MROH2B: variants seen among roughly 807,000 people sequenced by gnomAD.
MROH2B encodes the protein maestro heat like repeat family member 2B.
Under a neutral mutation model 208.6 loss-of-function variants are expected in MROH2B, and 177 were observed. That is an observed-to-expected ratio of 0.85 (90% CI 0.75 to 0.96). MROH2B has a LOEUF of 0.96. MROH2B is among the 40% of genes least tolerant of loss of function. The pLI is 0.00. For synonymous variants in MROH2B, 728 were observed against 659.0 expected (o/e 1.10, Z -1.60); for missense variants, 2,002 against 1,878.7 (o/e 1.07, Z -1.21).
At chr5:41,008,857 G>A (rs1741680153) in intron 32 of MROH2B, 64 bp from the exon 33 acceptor site, 1 of 1,479,586 alleles carries the variant, frequency 6.8e-7, no homozygotes, top group Admixed American at 2.2e-5. Context: ...CTTCTCTCTG[G>A]GCTGATTTTC....
intron 21 of MROH2B, chr5:41,034,107 G>A (rs1742675498): frequency 1.0e-6 from 1 of 978,302 alleles, no homozygotes; most frequent in Non-Finnish European, 1.2e-6. Flanking sequence ...AGAAGGCAGG[G>A]TAGAGACTTC....
intron 28 of MROH2B, 93 bp from the exon 29 acceptor site, chr5:41,015,571 T>G: frequency 9.4e-7 from 1 of 1,060,718 alleles, no homozygotes; most frequent in East Asian, 2.5e-5. Flanking sequence ...CTAAATTAGC[T>G]GCTGTCTGAT....
chr5:41,058,204 C>T lies in MROH2B; in HGVS notation c.616-1G>A. On this transcript the variant is annotated splice_acceptor_variant, in intron 6 of 41. Transcript: ENST00000399564. LOFTEE classifies it high-confidence loss of function. ...CGTGGGCCTTAACGATGCTCAAAGTCTGTACAGGCAGCAAACAAATACCGT... is the reference window on the plus strand; with the variant it reads ...CGTGGGCCTTAACGATGCTCAAAGTTTGTACAGGCAGCAAACAAATACCGT... The T allele has an allele frequency of 1.9e-6, 3 of 1,550,122 alleles. No homozygotes were observed. The highest frequency in any genetic ancestry group is 2.6e-6 in the Non-Finnish European group (3 of 1,147,442).
intron 2 of MROH2B, among the ~76,000 whole-genome samples, chr5:41,067,695 G>A (rs1561310685): frequency 6.6e-6 from 1 of 152,102 alleles, no homozygotes; most frequent in African/African-American, 2.4e-5. Flanking sequence ...AACATAACAT[G>A]CATCTTTAGG....
intron 39 of MROH2B, 71 bp from the exon 40 acceptor site, chr5:40,999,850 TC>T (rs530026094): frequency 7.2e-7 from 1 of 1,389,060 alleles, no homozygotes; most frequent in African/African-American, 1.4e-5. Flanking sequence ...ATCCTATAGG[TC>T]CTCAGAACGG....
chr5:41,014,181 G>C (rs1011832118), intron 29 of MROH2B, among the ~76,000 whole-genome samples: 1 of 152,124 alleles, frequency 6.6e-6, no homozygotes, highest in African/African-American at 2.4e-5. Context: ...GTGGAAAATT[G>C]CCATAACACC....
At chr5:41,063,168 T>C (rs1446535370) in intron 5 of MROH2B, among the ~76,000 whole-genome samples, 1 of 152,258 alleles carries the variant, frequency 6.6e-6, no homozygotes, top group African/African-American at 2.4e-5. Flanking sequence ...TTTTATTTAA[T>C]TTTACATTCT....
chr5:41,050,419 C>G (rs1017610493), intron 13 of MROH2B, among the ~76,000 whole-genome samples: 14 of 152,226 alleles, frequency 9.2e-5, no homozygotes, highest in African/African-American at 3.1e-4. Flanking sequence ...TTCAGTAGGT[C>G]TGGTGTGTGA....
chr5:40,998,107 T>G lies in MROH2B; in HGVS notation c.4703A>C (p.Glu1568Ala), dbSNP rs1347892864. 1 of 1,612,568 alleles carries G rather than the reference T, an allele frequency of 6.2e-7. No individual in the cohort carries two copies. Among genetic ancestry groups the G allele is most frequent in the South Asian group, 1.1e-5 (1 of 91,026 alleles). ...DPCISVQRAA[E>A]AALQTLLRRC... is the part of the protein sequence containing the mutation. ...TCTCAGGAGGGTTTGCAAAGCAGCC[T>G]CAGCTGCTCTCTGGACACTAATACA... Residue 1568 changes from glutamate to alanine, a missense_variant, in exon 42 of 42, where the codon GAG (glutamate) becomes GCG (alanine). Coordinates refer to ENST00000399564, the MANE Select transcript of MROH2B (RefSeq NM_173489.5).
At position 41,008,597 on chromosome 5, in the gene MROH2B, G is replaced by T; in HGVS notation, c.3608+9C>A. The T allele has an allele frequency of 6.2e-7, 1 of 1,612,700 alleles. No individual in the cohort carries two copies. Among genetic ancestry groups the T allele is most frequent in the Middle Eastern group, 1.8e-4 (1 of 5,688 alleles). On this transcript the variant is annotated intron_variant, in intron 33 of 41. Coordinates refer to ENST00000399564, the MANE Select transcript of MROH2B (RefSeq NM_173489.5). ...CACTGTGGAAGATGCTTCCTGATTG[G>T]CCGTTTACCTGCAGGGGTCTGGGAT...
rs750126047 is a variant in MROH2B at position 41,049,288 on chromosome 5, G to A, written c.1493C>T (p.Thr498Ile). ...AKESTALVVS[T>I]GAVKLPSPQQ... ...TTTATGAATGTACAGACCAGCTCCT[G>A]TAGAGACGACAAGTGCTGTCGACTC... The change falls in exon 14 of 42, where the codon ACA (threonine) becomes ATA (isoleucine). Residue 498 changes from threonine to isoleucine, a missense_variant. By Grantham distance (89) the Thr-to-Ile change is moderately conservative (BLOSUM62 -1). Coordinates refer to ENST00000399564, the MANE Select transcript of MROH2B (RefSeq NM_173489.5). 12 of 1,613,102 alleles carry A rather than the reference G, an allele frequency of 7.4e-6. No homozygotes were observed. The highest frequency in any genetic ancestry group is 5.0e-5 in the Admixed American group (3 of 59,856).
In MROH2B at chr5:41,033,872, A is replaced by G. The variant is rs1355377446; in HGVS notation, c.2215-8T>C. On this transcript the variant is annotated splice_region_variant and splice_polypyrimidine_tract_variant and intron_variant, in intron 21 of 41. Coordinates refer to ENST00000399564, the MANE Select transcript of MROH2B (RefSeq NM_173489.5). ...CACAGACATGCCCAGAACCTAAAAAAAATCAAAGGCAAAATTAGATACTCA... is the reference window on the plus strand; with the variant it reads ...CACAGACATGCCCAGAACCTAAAAAGAATCAAAGGCAAAATTAGATACTCA... The G allele has an allele frequency of 2.6e-6, 4 of 1,549,162 alleles. No homozygotes were observed. Among genetic ancestry groups the G allele is most frequent in the Non-Finnish European group, 3.5e-6 (4 of 1,145,128 alleles).
intron 1 of MROH2B, among the ~76,000 whole-genome samples, chr5:41,070,048 C>T (rs946877934): frequency 6.6e-6 from 1 of 152,176 alleles, no homozygotes; most frequent in African/African-American, 2.4e-5. Flanking sequence ...TGTAAATTCT[C>T]TCTTGCAGGA....
intron 24 of MROH2B, among the ~76,000 whole-genome samples, chr5:41,022,097 C>G (rs1742170287): frequency 6.6e-6 from 1 of 152,122 alleles, no homozygotes; most frequent in South Asian, 2.1e-4. Context: ...ATAGGAACAG[C>G]TCCAGTCTAC....
At chr5:41,017,271 T>C (rs1372812058) in intron 28 of MROH2B, among the ~76,000 whole-genome samples, 1 of 152,144 alleles carries the variant, frequency 6.6e-6, no homozygotes, top group Non-Finnish European at 1.5e-5. Context: ...ATTCCTAATA[T>C]TTTGTGGTAT....
In MROH2B at chr5:41,064,635, C is replaced by A; in HGVS notation, c.362-65G>T. The A allele has an allele frequency of 3.2e-6, 4 of 1,233,178 alleles. No homozygotes were observed. In the South Asian group the frequency reaches 5.2e-5, roughly 16 times the overall value. The allele number at this position is 1,233,178 out of a possible 1,614,324, so 76.4% of individuals were successfully genotyped here. A position where few individuals can be genotyped will look rare whatever the true frequency, so the allele number is the denominator to read the frequency against. ...TTCTCAAATTTGGGGTTCTGTGACT[C>A]CAAATCAACAAGAAGCATTTCAGGG... is the stretch of plus-strand genomic sequence containing the variant. On this transcript the variant is annotated intron_variant, in intron 4 of 41. Transcript: ENST00000399564.
chr5:41,019,014 G>A lies in MROH2B; in HGVS notation c.2446C>T (p.Leu816=). 1.2e-6 allele frequency: 2 copies of A among 1,613,870 alleles called. No individual in the cohort carries two copies. Among genetic ancestry groups the A allele is most frequent in the Non-Finnish European group, 1.7e-6 (2 of 1,179,860 alleles). Residue 816 remains leucine, a synonymous_variant, in exon 25 of 42, where the codon CTG becomes TTG. Coordinates refer to ENST00000399564, the MANE Select transcript of MROH2B (RefSeq NM_173489.5). ...TCTTGTAGTGAGAGCTGAGGTTTCA[G>A]TTTACTGAAATGAGAACCAGGTGGA... The part of the protein sequence containing the change: ...ALIAIRYLSK[L]KPQLSLQDHL...
intron 21 of MROH2B, among the ~76,000 whole-genome samples, chr5:41,036,802 A>G (rs1243511471): frequency 1.3e-5 from 2 of 152,168 alleles, no homozygotes; most frequent in Non-Finnish European, 2.9e-5. Context: ...AAAAAATTCA[A>G]TGGGAAATAA....
rs929318943 is a variant in MROH2B, at chr5:41,038,676, C to A, written c.2214+60G>T. On this transcript the variant is annotated intron_variant, in intron 21 of 41. Transcript: ENST00000399564. Reference sequence around the variant, plus strand: ...GGAAAAAAGCTTCCCAGGGACTGAGCCCCTGCAAGTTTTAGGAACCCCAGC... The same window carrying A: ...GGAAAAAAGCTTCCCAGGGACTGAGACCCTGCAAGTTTTAGGAACCCCAGC... The A allele has an allele frequency of 2.6e-6, 4 of 1,511,996 alleles. No homozygotes were observed. The African/African-American group carries it at 4.2e-5, about 16-fold the overall frequency. The allele number at this position is 1,511,996 out of a possible 1,614,324, so 93.7% of individuals were successfully genotyped here.
Sources: gnomAD v4.1 joint callset for allele counts (sites outside exome capture counted in the v4.1 genomes callset) on GRCh38, gnomAD v4.1.1 for gene constraint, MANE v1.5 for transcripts, NCBI Gene and HGNC (gene_info 2026-07-23, HGNC 2026-07-21) for gene names.